The following NRXN3 variants were observed in gnomAD, a reference collection of about 807,000 sequenced individuals.
NRXN3 encodes neurexin III.
A neutral mutation model predicts 137.6 loss-of-function variants in NRXN3; 32 were observed. That is an observed-to-expected ratio of 0.23 (90% CI 0.18 to 0.31). NRXN3 has a LOEUF of 0.31. Ranked by LOEUF, NRXN3 falls within the 10% of genes least tolerant of loss-of-function variation. The pLI, the probability that NRXN3 is intolerant of heterozygous loss-of-function variation, is 1.00. For synonymous variants in NRXN3, 798 were observed against 784.5 expected (o/e 1.02, Z -0.29); for missense variants, 1,574 against 2,062.5 (o/e 0.76, Z 4.59).
intron 20 of NRXN3, among the ~76,000 whole-genome samples, chr14:79,811,389 A>C (rs1026704720): frequency 3.9e-5 from 6 of 152,144 alleles, no homozygotes; most frequent in Non-Finnish European, 8.8e-5. Context: ...ATACATGTCT[A>C]ATGCTCACAA....
At chr14:78,843,106 T>C (rs2099017137) in intron 10 of NRXN3, among the ~76,000 whole-genome samples, 1 of 152,096 alleles carries the variant, frequency 6.6e-6, no homozygotes, top group Non-Finnish European at 1.5e-5. Flanking sequence ...AGGGTATTGA[T>C]TGGGGAAGTG....
chr14:79,781,794 G>A (rs969078276), intron 19 of NRXN3, among the ~76,000 whole-genome samples: 1 of 152,154 alleles, frequency 6.6e-6, no homozygotes, highest in Non-Finnish European at 1.5e-5. Context: ...ATTGCTGATA[G>A]CAAAGGTCCA....
intron 15 of NRXN3, among the ~76,000 whole-genome samples, chr14:79,264,521 G>GAT (rs1312849819): frequency 4.5e-5 from 5 of 110,352 alleles, no homozygotes; most frequent in Admixed American, 4.1e-4. Flanking sequence ...GTGTTTACAT[G>GAT]ATGTGTGTGT....
chr14:79,402,385 A>G (rs948027404), intron 15 of NRXN3, among the ~76,000 whole-genome samples: 2 of 152,190 alleles, frequency 1.3e-5, no homozygotes, highest in African/African-American at 4.8e-5. Context: ...CATCTTTCTA[A>G]CTCCTGAGAG....
At chr14:79,221,598 T>G (rs2069691082) in intron 15 of NRXN3, among the ~76,000 whole-genome samples, 1 of 152,168 alleles carries the variant, frequency 6.6e-6, no homozygotes, top group Non-Finnish European at 1.5e-5. Flanking sequence ...GTGATGGGGT[T>G]GTTTGTTTTT....
At chr14:79,303,603 T>A (rs2085511224) in intron 15 of NRXN3, among the ~76,000 whole-genome samples, 1 of 152,008 alleles carries the variant, frequency 6.6e-6, no homozygotes, top group Non-Finnish European at 1.5e-5. Flanking sequence ...TGTGATCAAC[T>A]GAGGTCAGAA....
chr14:79,182,394 A>G (rs1287445492), intron 15 of NRXN3, among the ~76,000 whole-genome samples: 1 of 151,782 alleles, frequency 6.6e-6, no homozygotes, highest in Non-Finnish European at 1.5e-5. Flanking sequence ...TTTTCCTGCA[A>G]CTAGATAGTC....
chr14:79,354,879 C>A (rs774730851), intron 15 of NRXN3, among the ~76,000 whole-genome samples: 7 of 152,100 alleles, frequency 4.6e-5, no homozygotes, highest in Non-Finnish European at 7.4e-5. Flanking sequence ...AAAGTAGATG[C>A]TGACATATGA....
At chr14:78,980,900 G>A (rs2099487666) in intron 14 of NRXN3, among the ~76,000 whole-genome samples, 1 of 152,142 alleles carries the variant, frequency 6.6e-6, no homozygotes, top group Admixed American at 6.6e-5. Flanking sequence ...CTATTTTCGT[G>A]AGAGTTATTC....
intron 4 of NRXN3, among the ~76,000 whole-genome samples, chr14:78,433,622 A>G (rs1250324940): frequency 1.3e-5 from 2 of 152,154 alleles, no homozygotes; most frequent in African/African-American, 4.8e-5. Flanking sequence ...TTCCTGATGA[A>G]AGGATGAGTT....
chr14:78,775,589 C>T lies in NRXN3; in HGVS notation c.2045-28031C>T, dbSNP rs1416585056. ...AAGATTGGACACCCCTGGAATTTTACAGGAATGAGGTGCCATTGTGAGATA... is the reference window on the plus strand; with the variant it reads ...AAGATTGGACACCCCTGGAATTTTATAGGAATGAGGTGCCATTGTGAGATA... On this transcript the variant is annotated intron_variant, in intron 8 of 20. Transcript: ENST00000335750. 2.6e-5 allele frequency among the ~76,000 whole-genome samples: 4 copies of T among 152,202 alleles called. No individual in the cohort carries two copies. The South Asian group carries it at 6.2e-4, about 24-fold the overall frequency.
chr14:78,482,261 A>T (rs1471581922), intron 4 of NRXN3, among the ~76,000 whole-genome samples: 3 of 152,192 alleles, frequency 2.0e-5, no homozygotes, highest in African/African-American at 7.2e-5. Context: ...AAGTTACTGT[A>T]TATGCGTTGT....
At chr14:79,185,747 G>T (rs547838109) in intron 15 of NRXN3, among the ~76,000 whole-genome samples, 1 of 152,100 alleles carries the variant, frequency 6.6e-6, no homozygotes, top group Non-Finnish European at 1.5e-5. Flanking sequence ...TTACAGGCGT[G>T]AGCCACCACC....
chr14:78,198,015 C>G (rs753642841), intron 1 of NRXN3, among the ~76,000 whole-genome samples: 1 of 152,138 alleles, frequency 6.6e-6, no homozygotes, highest in Admixed American at 6.5e-5. Context: ...AATATGATTC[C>G]GAAGGGATCT....
chr14:78,464,069 T>A (rs2095020987), intron 4 of NRXN3, among the ~76,000 whole-genome samples: 1 of 151,346 alleles, frequency 6.6e-6, no homozygotes, highest in South Asian at 2.1e-4. Context: ...TTTTTTTTTT[T>A]TGAGGCAGAG....
intron 16 of NRXN3, among the ~76,000 whole-genome samples, chr14:79,598,532 T>C (rs2097886484): frequency 6.6e-6 from 1 of 152,190 alleles, no homozygotes; most frequent in South Asian, 2.1e-4. Context: ...GAGCTGGTAA[T>C]ATGCAGAAAG....
chr14:79,000,361 G>A (rs1301038713), intron 15 of NRXN3, among the ~76,000 whole-genome samples: 1 of 152,058 alleles, frequency 6.6e-6, no homozygotes, highest in Non-Finnish European at 1.5e-5. Flanking sequence ...ATGTCTTAAG[G>A]AGTTATAGCT....
At chr14:78,692,552 C>G (rs537994782) in intron 6 of NRXN3, among the ~76,000 whole-genome samples, 1 of 152,112 alleles carries the variant, frequency 6.6e-6, no homozygotes, top group Non-Finnish European at 1.5e-5. Flanking sequence ...TATTTCTAGA[C>G]TGTTTTCTCC....
chr14:79,566,998 A>G (rs745643336), intron 16 of NRXN3, among the ~76,000 whole-genome samples: 21 of 152,118 alleles, frequency 1.4e-4, no homozygotes, highest in Non-Finnish European at 2.5e-4. Flanking sequence ...CCATAATCAA[A>G]TGTTGCTTAT....
Sources: allele counts gnomAD v4.1 joint callset (sites outside exome capture counted in the v4.1 genomes callset), GRCh38; gene constraint gnomAD v4.1.1; transcripts MANE v1.5; gene names NCBI Gene and HGNC (gene_info 2026-07-23, HGNC 2026-07-21).